HMG20A: variants seen among roughly 807,000 people sequenced by gnomAD.
The protein encoded by HMG20A is high mobility group 20A, also known as high mobility group protein 20A.
HMG20A carries 17 observed loss-of-function variants against 43.9 expected under a neutral mutation model. That is an observed-to-expected ratio of 0.39 (90% CI 0.27 to 0.58). The LOEUF is 0.58. HMG20A is among the 20% of genes least tolerant of loss of function. The pLI is 0.59. For synonymous variants in HMG20A, 132 were observed against 147.5 expected (o/e 0.89, Z 0.76); for missense variants, 341 against 438.2 (o/e 0.78, Z 1.98).
At chr15:77,474,972 C>T (rs2072842404) in intron 6 of HMG20A, among the ~76,000 whole-genome samples, 1 of 152,168 alleles carries the variant, frequency 6.6e-6, no homozygotes, top group South Asian at 2.1e-4. Context: ...AGCCAGCCCA[C>T]TAGACCCAAG....
intron 1 of HMG20A, among the ~76,000 whole-genome samples, chr15:77,421,603 C>T (rs2073345583): frequency 6.6e-6 from 1 of 152,184 alleles, no homozygotes; most frequent in Non-Finnish European, 1.5e-5. Flanking sequence ...TCTAGCTTCT[C>T]TTTTAAGGAG....
chr15:77,481,450 T>C (rs2072905193), intron 9 of HMG20A, among the ~76,000 whole-genome samples: 1 of 152,130 alleles, frequency 6.6e-6, no homozygotes, highest in African/African-American at 2.4e-5. Context: ...GGAGAAACAG[T>C]GTGGAAGATT....
chr15:77,452,453 G>C (rs1411686301), intron 1 of HMG20A, among the ~76,000 whole-genome samples: 1 of 152,156 alleles, frequency 6.6e-6, no homozygotes, highest in Non-Finnish European at 1.5e-5. Context: ...AACACATGCT[G>C]AAAGAAGACA....
intron 1 of HMG20A, among the ~76,000 whole-genome samples, chr15:77,421,975 GA>G (rs1241618257): frequency 1.3e-5 from 2 of 152,126 alleles, no homozygotes; most frequent in South Asian, 2.1e-4. Context: ...TTCTAAACAG[GA>G]AAAAGTTGGC....
chr15:77,497,824 C>T, the HMG20A span, among the ~76,000 whole-genome samples: 2 of 147,612 alleles, frequency 1.4e-5, no homozygotes, highest in African/African-American at 4.9e-5. Context: ...TTTTTGTTTT[C>T]TGGAAGATTT....
rs369902427 is a variant in HMG20A, at chr15:77,471,270, C to T, written c.583+228C>T. ...TTATCAATGATTTTGACTTGTCCTC[C>T]GAGACCCCTGTTAGTTGCCTGCCCT... On this transcript the variant is annotated intron_variant, in intron 5 of 9. Coordinates refer to ENST00000336216, the MANE Select transcript of HMG20A (RefSeq NM_001304504.2). 5.4e-4 allele frequency among the ~76,000 whole-genome samples: 82 copies of T among 152,184 alleles called. 3 individuals are homozygous for T. In the South Asian group the frequency reaches 0.016, roughly 30 times the overall value.
At chr15:77,472,539 G>A (rs2072819233) in intron 6 of HMG20A, among the ~76,000 whole-genome samples, 2 of 152,354 alleles carry the variant, frequency 1.3e-5, no homozygotes, top group South Asian at 4.1e-4. Context: ...CTCCCAAAAT[G>A]CTGGGATTAC....
intron 1 of HMG20A, among the ~76,000 whole-genome samples, chr15:77,433,609 CTA>C (rs1480374039): frequency 1.3e-5 from 2 of 152,156 alleles, no homozygotes; most frequent in African/African-American, 2.4e-5. Flanking sequence ...TATAGACAAA[CTA>C]TTAGAATTAA....
At chr15:77,499,215 C>T in the HMG20A span, among the ~76,000 whole-genome samples, 1 of 152,332 alleles carries the variant, frequency 6.6e-6, no homozygotes, top group Non-Finnish European at 1.5e-5. Flanking sequence ...TCATCTGGAC[C>T]TTGGCATTCC....
chr15:77,447,883 T>C (rs1284337836), intron 1 of HMG20A: 1 of 152,240 alleles, frequency 6.6e-6, no homozygotes, highest in Non-Finnish European at 1.5e-5. Context: ...GATTATTTCT[T>C]TTGTGGCCAA....
chr15:77,516,792 G>C, the HMG20A span, among the ~76,000 whole-genome samples: 1 of 151,324 alleles, frequency 6.6e-6, no homozygotes, highest in Non-Finnish European at 1.5e-5. Flanking sequence ...GACAGCAAGC[G>C]CGTAGGCTAG....
At chr15:77,456,609 G>A (rs1456009984) in intron 1 of HMG20A, among the ~76,000 whole-genome samples, 3 of 145,584 alleles carry the variant, frequency 2.1e-5, no homozygotes, top group African/African-American at 5.1e-5. Flanking sequence ...GAACCTGGGA[G>A]GCGTGGGCAA....
At chr15:77,479,088 ACC>A in intron 8 of HMG20A, 89 bp from the exon 9 acceptor site, 1 of 1,233,958 alleles carries the variant, frequency 8.1e-7, no homozygotes, top group Admixed American at 1.8e-5. Context: ...TGTGGAGCAG[ACC>A]ACATTAGAAT....
At chr15:77,480,445 TA>T (rs200460459) in intron 9 of HMG20A, among the ~76,000 whole-genome samples, 1 of 149,858 alleles carries the variant, frequency 6.7e-6, no homozygotes, top group Non-Finnish European at 1.5e-5. Context: ...ACCCCTGCTT[TA>T]AAAAAAAATG....
In HMG20A at chr15:77,479,332, A is replaced by T. The variant is rs752200323; in HGVS notation, c.*6+11A>T. 2 of 1,611,082 alleles carry T rather than the reference A, an allele frequency of 1.2e-6. No individual in the cohort carries two copies. The stretch of plus-strand genomic sequence containing the variant: ...GATCGTTAGGGAATGGTGAGTGCTC[A>T]CTGATAAATATTTATATGCCAGCAC... On this transcript the variant is annotated intron_variant, in intron 9 of 9. Transcript: ENST00000336216.
intron 1 of HMG20A, among the ~76,000 whole-genome samples, chr15:77,442,158 T>C (rs1051302797): frequency 6.6e-6 from 1 of 152,346 alleles, no homozygotes; most frequent in African/African-American, 2.4e-5. Context: ...GTTAAACCTC[T>C]TAAGGAAATG....
intron 1 of HMG20A, among the ~76,000 whole-genome samples, chr15:77,448,408 A>G (rs756964273): frequency 1.3e-5 from 2 of 151,976 alleles, no homozygotes; most frequent in Middle Eastern, 3.4e-3. Flanking sequence ...TGCTAGGGCC[A>G]CTCTTTCCCC....
intron 1 of HMG20A, among the ~76,000 whole-genome samples, chr15:77,434,685 T>A (rs1005848748): frequency 2.0e-5 from 3 of 152,178 alleles, no homozygotes; most frequent in African/African-American, 4.8e-5. Flanking sequence ...CCTCTCAGTA[T>A]CTTGAGGCCT....
chr15:77,481,372 C>A (rs929115775), intron 9 of HMG20A, among the ~76,000 whole-genome samples: 2 of 152,188 alleles, frequency 1.3e-5, no homozygotes, highest in African/African-American at 4.8e-5. Context: ...TTCAGGAGCT[C>A]ATCATCCTTC....
Sources: allele counts gnomAD v4.1 joint callset (sites outside exome capture counted in the v4.1 genomes callset), GRCh38; gene constraint gnomAD v4.1.1; transcripts MANE v1.5; gene names NCBI Gene and HGNC (gene_info 2026-07-23, HGNC 2026-07-21).